BCAS3: variants seen among roughly 807,000 people sequenced by gnomAD.
The protein encoded by BCAS3 is BCAS3 microtubule associated cell migration factor.
Under a neutral mutation model 116.1 loss-of-function variants are expected in BCAS3, and 53 were observed. The observed-to-expected ratio is 0.46, with a 90% CI of 0.37 to 0.57. The LOEUF (loss-of-function observed/expected upper bound fraction) is 0.57. Ranked by LOEUF, BCAS3 falls within the 20% of genes least tolerant of loss-of-function variation. BCAS3 has a pLI of 0.00. For synonymous variants in BCAS3, 391 were observed against 408.2 expected (o/e 0.96, Z 0.51); for missense variants, 917 against 1,165.4 (o/e 0.79, Z 3.10).
chr17:61,255,655 A>G (rs965106777), intron 22 of BCAS3, among the ~76,000 whole-genome samples: 1 of 152,182 alleles, frequency 6.6e-6, no homozygotes. Flanking sequence ...GTCTGTATTG[A>G]GTGACACTTC....
At chr17:60,909,385 G>A (rs2058365461) in intron 11 of BCAS3, among the ~76,000 whole-genome samples, 1 of 152,050 alleles carries the variant, frequency 6.6e-6, no homozygotes, top group Non-Finnish European at 1.5e-5. Flanking sequence ...TTTAGCCATA[G>A]CATGTGCCAG....
At position 61,007,635 on chromosome 17, in the gene BCAS3, C is replaced by T. The variant is rs2064808875; in HGVS notation, c.1487-8116C>T. Among the ~76,000 whole-genome samples the T allele has an allele frequency of 6.6e-6, 1 of 151,778 alleles. No individual in the cohort carries two copies. Among genetic ancestry groups the T allele is most frequent in the South Asian group, 2.1e-4 (1 of 4,810 alleles). ...ATTTAATAAGCCCTAGGCAAAGCTC[C>T]ATGCAGGCTACTTTGTATGTAGTGG... On this transcript the variant is annotated intron_variant, in intron 15 of 23. Coordinates refer to ENST00000407086, the MANE Select transcript of BCAS3 (RefSeq NM_017679.5). The surrounding 1 kb of genome is among the most constrained non-coding windows in gnomAD (Gnocchi z 4.3).
chr17:61,374,052 G>C (rs1268366997), intron 23 of BCAS3, among the ~76,000 whole-genome samples: 5 of 151,300 alleles, frequency 3.3e-5, no homozygotes, highest in Non-Finnish European at 7.4e-5. Flanking sequence ...CTGGCCTCAA[G>C]TGATCTGCCC....
rs147632341 is a variant in BCAS3 at position 61,203,761 on chromosome 17, A to C, written c.2425+119197A>C. On this transcript the variant is annotated intron_variant, in intron 22 of 23. Coordinates refer to ENST00000407086, the MANE Select transcript of BCAS3 (RefSeq NM_017679.5). This position sits in a 1 kb window ranked among gnomAD's most constrained non-coding sequence, Gnocchi z 5.7. The stretch of plus-strand genomic sequence containing the variant: ...CTTTCAGCCTTGTCCCCGAGACCAA[A>C]AGCTCAATCAGTGTCACTCTGCAGA... 6.6e-6 allele frequency among the ~76,000 whole-genome samples: 1 copy of C among 152,196 alleles called. No individual in the cohort carries two copies. Among genetic ancestry groups the C allele is most frequent in the African/African-American group, 2.4e-5 (1 of 41,538 alleles).
At chr17:61,005,182 A>G (rs2064574427) in intron 15 of BCAS3, among the ~76,000 whole-genome samples, 1 of 152,154 alleles carries the variant, frequency 6.6e-6, no homozygotes, top group Non-Finnish European at 1.5e-5. Context: ...AGTAGGTTTT[A>G]CGTACGTAGG....
chr17:61,312,764 G>A (rs967187249), intron 22 of BCAS3, among the ~76,000 whole-genome samples: 2 of 152,212 alleles, frequency 1.3e-5, no homozygotes, highest in East Asian at 1.9e-4. Context: ...TACCACCATC[G>A]GGGACATCAG....
rs1190471986 is a variant in BCAS3, at chr17:61,220,274, A to G, written c.2425+135710A>G. 2.0e-5 allele frequency among the ~76,000 whole-genome samples: 3 copies of G among 147,520 alleles called. No homozygotes were observed. Among genetic ancestry groups the G allele is most frequent in the Non-Finnish European group, 3.0e-5 (2 of 67,280 alleles). ...GTGCCACTGCACTTCAGCCTGGGCA[A>G]CAGAGTGAGACTCCATCTCAAAAAA... On this transcript the variant is annotated intron_variant, in intron 22 of 23. Transcript: ENST00000407086. This position sits in a 1 kb window ranked among gnomAD's most constrained non-coding sequence, Gnocchi z 4.5.
At chr17:61,138,165 G>T (rs1039889883) in intron 22 of BCAS3, among the ~76,000 whole-genome samples, 6 of 152,212 alleles carry the variant, frequency 3.9e-5, no homozygotes, top group Non-Finnish European at 7.3e-5. Context: ...TGGCTGCTGA[G>T]TGCTGGGAAT....
At chr17:61,183,259 A>G (rs2079580782) in intron 22 of BCAS3, among the ~76,000 whole-genome samples, 4 of 152,068 alleles carry the variant, frequency 2.6e-5, no homozygotes, top group African/African-American at 7.2e-5. Flanking sequence ...CAAATTGTCC[A>G]CTCTGGGAAA....
intron 5 of BCAS3, among the ~76,000 whole-genome samples, chr17:60,713,827 C>G (rs1207182216): frequency 6.6e-6 from 1 of 151,994 alleles, no homozygotes; most frequent in Non-Finnish European, 1.5e-5. Context: ...TTTGCATTTG[C>G]TTTTTTTGTT....
At chr17:61,250,104 G>A (rs1298318134) in intron 22 of BCAS3, among the ~76,000 whole-genome samples, 1 of 152,188 alleles carries the variant, frequency 6.6e-6, no homozygotes, top group Non-Finnish European at 1.5e-5. Context: ...TCTGGTGGAA[G>A]TTTAAGGAAA....
chr17:60,833,199 A>G (rs551101916), intron 7 of BCAS3, among the ~76,000 whole-genome samples: 15 of 152,116 alleles, frequency 9.9e-5, no homozygotes, highest in Non-Finnish European at 1.8e-4. Flanking sequence ...TCCAATTTTC[A>G]AATAGTCTGC....
intron 12 of BCAS3, among the ~76,000 whole-genome samples, chr17:60,919,951 C>A (rs118173725): frequency 6.6e-6 from 1 of 152,022 alleles, no homozygotes; most frequent in Non-Finnish European, 1.5e-5. Flanking sequence ...GGAGGAACAA[C>A]AAACACCTAA....
At chr17:60,825,544 AATTATTTATAATAATTTATAAATAATT>A (rs992429484) in intron 7 of BCAS3, among the ~76,000 whole-genome samples, 25 of 135,964 alleles carry the variant, frequency 1.8e-4, no homozygotes, top group Admixed American at 9.9e-4. Flanking sequence ...ATTTATAAAT[AATTATTTATAATAATTTATAAATAATT>A]ATTATTTATA....
rs1375767417 is a variant in BCAS3, at chr17:61,106,708, G to A, written c.2425+22144G>A. Among the ~76,000 whole-genome samples, 1 of 152,278 alleles carries A rather than the reference G, an allele frequency of 6.6e-6. No individual in the cohort carries two copies. Among genetic ancestry groups the A allele is most frequent in the South Asian group, 2.1e-4 (1 of 4,824 alleles). On this transcript the variant is annotated intron_variant, in intron 22 of 23. Transcript: ENST00000407086. The surrounding 1 kb of genome is among the most constrained non-coding windows in gnomAD (Gnocchi z 4.2). ...TATTTTGAAACTTGCTTCATTTATT[G>A]TTAGCAGATTTCCTTCAAGTCATTA... is the stretch of plus-strand genomic sequence containing the variant.
intron 7 of BCAS3, chr17:60,810,565 G>A (rs1039834305): frequency 1.3e-5 from 11 of 848,708 alleles, no homozygotes; most frequent in Admixed American, 1.7e-5. Context: ...CAAGACCATC[G>A]AGGACCTGAG....
intron 22 of BCAS3, among the ~76,000 whole-genome samples, chr17:61,334,934 GTC>G (rs145864007): frequency 0.014 from 2,180 of 152,298 alleles, 53 homozygotes; most frequent in African/African-American, 0.05. Context: ...GCAGAAGTTG[GTC>G]TGTGGATGGG....
chr17:61,301,164 C>T (rs988307526), intron 22 of BCAS3, among the ~76,000 whole-genome samples: 1 of 152,152 alleles, frequency 6.6e-6, no homozygotes, highest in African/African-American at 2.4e-5. Flanking sequence ...CGGAACATAG[C>T]CATGCTCACT....
chr17:60,820,727 G>A (rs9783812), intron 7 of BCAS3, among the ~76,000 whole-genome samples: 2 of 152,056 alleles, frequency 1.3e-5, no homozygotes, highest in African/African-American at 4.8e-5. Context: ...ATAAGAAAGA[G>A]TTGAGACTGT....
Sources: allele counts gnomAD v4.1 joint callset (sites outside exome capture counted in the v4.1 genomes callset), GRCh38; gene constraint gnomAD v4.1.1; non-coding constraint Gnocchi (gnomAD v3.1); transcripts MANE v1.5; gene names NCBI Gene and HGNC (gene_info 2026-07-23, HGNC 2026-07-21).